CR1L: variants seen among roughly 807,000 people sequenced by gnomAD.
CR1L encodes complement component receptor 1-like protein.
In CR1L, 59 loss-of-function variants were observed where a neutral mutation model predicts 62.3. The observed-to-expected ratio is 0.95, with a 90% confidence interval of 0.77 to 1.18. The LOEUF is 1.18. CR1L is among the 50% of genes most tolerant of loss of function. The probability of loss-of-function intolerance (pLI) is 0.00; values close to 1 mark genes in which losing one functional copy is unlikely to be tolerated. For missense variants in CR1L, 700 were observed against 702.8 expected (o/e 1.00, Z 0.04); for synonymous variants, 279 against 248.7 (o/e 1.12, Z -1.15).
At chr1:207,687,389 G>A (rs367817721) in intron 4 of CR1L, among the ~76,000 whole-genome samples, 19 of 152,090 alleles carry the variant, frequency 1.2e-4, no homozygotes, top group African/African-American at 3.9e-4. Flanking sequence ...ATGTAGTAAA[G>A]TGCACACATC....
At chr1:207,713,844 ACT>A (rs769348034) in intron 10 of CR1L, among the ~76,000 whole-genome samples, 1 of 151,986 alleles carries the variant, frequency 6.6e-6, no homozygotes, top group Non-Finnish European at 1.5e-5. Context: ...TGTGTTAACA[ACT>A]CTGTCAGTTC....
chr1:207,645,548 C>T (rs1336115136), intron 1 of CR1L, among the ~76,000 whole-genome samples: 3 of 152,202 alleles, frequency 2.0e-5, no homozygotes, highest in African/African-American at 4.8e-5. Context: ...ATCGTGTGCG[C>T]GGCCGACATT....
intron 8 of CR1L, among the ~76,000 whole-genome samples, chr1:207,699,872 A>T (rs1312432500): frequency 1.3e-5 from 2 of 152,204 alleles, no homozygotes; most frequent in African/African-American, 4.8e-5. Flanking sequence ...AAGGAAAAAA[A>T]TAAGCAAATT....
At chr1:207,664,464 G>A (rs1407516139) in intron 1 of CR1L, among the ~76,000 whole-genome samples, 5 of 152,150 alleles carry the variant, frequency 3.3e-5, no homozygotes, top group Admixed American at 6.5e-5. Flanking sequence ...AGCCTCCTTA[G>A]TTGAGTCCTG....
intron 1 of CR1L, among the ~76,000 whole-genome samples, chr1:207,670,728 A>G (rs1663598972): frequency 6.6e-6 from 1 of 151,212 alleles, no homozygotes; most frequent in South Asian, 2.1e-4. Flanking sequence ...CTTAGGCACC[A>G]GAAAGTAACC....
chr1:207,705,530 A>G (rs1279553433), intron 9 of CR1L, among the ~76,000 whole-genome samples: 1 of 152,240 alleles, frequency 6.6e-6, no homozygotes, highest in Non-Finnish European at 1.5e-5. Context: ...CCACCGCAAC[A>G]AACACAGAAA....
At chr1:207,657,038 T>C (rs10082154) in intron 1 of CR1L, 258,603 of 576,436 alleles carry the variant, frequency 0.45, 59,380 homozygotes, top group African/African-American at 0.59. Context: ...AAACCCTATA[T>C]TGACAAATTC....
chr1:207,671,460 G>T (rs1192171766), intron 1 of CR1L, among the ~76,000 whole-genome samples: 1 of 150,920 alleles, frequency 6.6e-6, no homozygotes, highest in Non-Finnish European at 1.5e-5. Context: ...TTTGTCATTA[G>T]AGGGTACTCC....
chr1:207,677,681 C>T, intron 2 of CR1L, 113 bp downstream of exon 2: 6 of 1,226,326 alleles, frequency 4.9e-6, no homozygotes, highest in Admixed American at 4.5e-5. Context: ...TGCTAAGGTG[C>T]AATACATATG....
intron 1 of CR1L, among the ~76,000 whole-genome samples, chr1:207,648,174 AACACACACACACAC>A (rs71154832): frequency 1.6e-5 from 2 of 125,362 alleles, no homozygotes; most frequent in Non-Finnish European, 3.2e-5. Flanking sequence ...CCCGGTCTCA[AACACACACACACAC>A]ACACACACAC....
intron 1 of CR1L, 121 bp downstream of exon 1, chr1:207,645,451 GC>G: frequency 8.7e-7 from 1 of 1,151,064 alleles, no homozygotes. Context: ...AGAGAGCGAG[GC>G]CAGGGTTCTC....
chr1:207,723,605 G>T lies in CR1L; in HGVS notation c.1643-13G>T. 3 of 1,587,076 alleles carry T rather than the reference G, an allele frequency of 1.9e-6. No individual in the cohort carries two copies. The highest frequency in any genetic ancestry group is 2.6e-6 in the Non-Finnish European group (3 of 1,163,632). Reference sequence around the variant, plus strand: ...CCAGAGTGATGTTTTTGTGACTTTTGTCTTCCTTTTAGGTTCACATGATGC... The same window carrying T: ...CCAGAGTGATGTTTTTGTGACTTTTTTCTTCCTTTTAGGTTCACATGATGC... On this transcript the variant is annotated splice_polypyrimidine_tract_variant and intron_variant, in intron 11 of 11. Transcript: ENST00000508064.
At chr1:207,707,627 A>G (rs1282318857) in intron 9 of CR1L, among the ~76,000 whole-genome samples, 3 of 152,098 alleles carry the variant, frequency 2.0e-5, no homozygotes, top group Non-Finnish European at 4.4e-5. Context: ...GACTCCGTCT[A>G]AAAAAACAAA....
chr1:207,697,820 A>C lies in CR1L; in HGVS notation c.1089A>C (p.Leu363=). The change falls in exon 7 of 12, where the codon CTA becomes CTC. Residue 363 remains leucine (L), a synonymous_variant. Coordinates refer to ENST00000508064, the MANE Select transcript of CR1L (RefSeq NM_175710.2). ...GCCAACTTCCTAATGGCCATGTGCTATTTCCACTTAATCTCCAGCTTGGAG... is the reference window on the plus strand; with the variant it reads ...GCCAACTTCCTAATGGCCATGTGCTCTTTCCACTTAATCTCCAGCTTGGAG... ...FLGQLPNGHV[L]FPLNLQLGAK... The C allele has an allele frequency of 2.5e-6, 4 of 1,613,954 alleles. No homozygotes were observed. The highest frequency in any genetic ancestry group is 3.4e-6 in the Non-Finnish European group (4 of 1,179,886).
intron 5 of CR1L, 151 bp from the exon 6 acceptor site, chr1:207,697,352 T>C (rs1183198215): frequency 6.6e-6 from 10 of 1,510,628 alleles, no homozygotes; most frequent in Non-Finnish European, 9.0e-6. Flanking sequence ...TTCCTCGCCC[T>C]GTGTATTTAG....
At chr1:207,719,767 T>C (rs1654091136) in intron 11 of CR1L, among the ~76,000 whole-genome samples, 1 of 151,964 alleles carries the variant, frequency 6.6e-6, no homozygotes, top group Admixed American at 6.6e-5. Flanking sequence ...TCTAATTTAA[T>C]TACACAACAA....
intron 9 of CR1L, 120 bp downstream of exon 9, chr1:207,701,738 G>A (rs1417363930): frequency 7.9e-7 from 1 of 1,271,648 alleles, no homozygotes. Flanking sequence ...TTGAACACAG[G>A]TATTAACTCC....
intron 1 of CR1L, among the ~76,000 whole-genome samples, chr1:207,669,919 G>A (rs114485988): frequency 1.3e-5 from 2 of 151,188 alleles, no homozygotes; most frequent in Admixed American, 6.6e-5. Context: ...CTAGCGAAAC[G>A]GGACTTGGGG....
chr1:207,683,082 TTCTC>T (rs1416351495), intron 3 of CR1L, among the ~76,000 whole-genome samples: 3 of 149,616 alleles, frequency 2.0e-5, no homozygotes, highest in African/African-American at 4.9e-5. Flanking sequence ...CTTTCTTTCT[TTCTC>T]TCTTTCTCTT....
Sources: allele counts gnomAD v4.1 joint callset (sites outside exome capture counted in the v4.1 genomes callset), GRCh38; gene constraint gnomAD v4.1.1; transcripts MANE v1.5; gene names NCBI Gene and HGNC (gene_info 2026-07-23, HGNC 2026-07-21).